Variants in GRIN2B observed in about 807,000 individuals in gnomAD.
GRIN2B encodes glutamate ionotropic receptor NMDA type subunit 2B.
In GRIN2B, 5 loss-of-function variants were observed where a neutral mutation model predicts 114.5. The observed-to-expected ratio is 0.04, with a 90% CI of 0.02 to 0.09. The LOEUF is 0.09. Among genes scored for constraint, GRIN2B ranks in the 10% least tolerant of loss-of-function variants. The pLI, the probability that GRIN2B is intolerant of heterozygous loss-of-function variation, is 1.00. For synonymous variants in GRIN2B, 787 were observed against 745.1 expected (o/e 1.06, Z -0.92); for missense variants, 1,108 against 1,943.5 (o/e 0.57, Z 8.08).
At chr12:13,807,120 C>G (rs917710613) in intron 3 of GRIN2B, among the ~76,000 whole-genome samples, 2 of 152,014 alleles carry the variant, frequency 1.3e-5, no homozygotes, top group African/African-American at 4.8e-5. Flanking sequence ...GCCATTTCGT[C>G]TTGAAATTTT....
intron 2 of GRIN2B, among the ~76,000 whole-genome samples, chr12:13,956,471 CTCTT>C (rs1347662244): frequency 6.6e-6 from 1 of 152,200 alleles, no homozygotes; most frequent in African/African-American, 2.4e-5. Context: ...AGGGCAGTAA[CTCTT>C]TCTCTCTGTC....
At chr12:13,673,944 T>C (rs973192488) in intron 5 of GRIN2B, among the ~76,000 whole-genome samples, 4 of 152,042 alleles carry the variant, frequency 2.6e-5, no homozygotes, top group South Asian at 2.1e-4. Flanking sequence ...GAACATTTCT[T>C]AAATTATGAC....
chr12:13,880,372 C>A (rs1489678895), intron 2 of GRIN2B, among the ~76,000 whole-genome samples: 2 of 152,228 alleles, frequency 1.3e-5, no homozygotes, highest in African/African-American at 4.8e-5. Context: ...GCTGAAAAGG[C>A]AAGCCAAGGA....
chr12:13,592,786 C>A (rs533970653), intron 10 of GRIN2B, among the ~76,000 whole-genome samples: 9 of 152,288 alleles, frequency 5.9e-5, no homozygotes, highest in African/African-American at 1.9e-4. Context: ...AAGCCCTGTT[C>A]TTTCGGTCTA....
chr12:13,659,367 T>C (rs1565491440), intron 5 of GRIN2B, among the ~76,000 whole-genome samples: 1 of 152,312 alleles, frequency 6.6e-6, no homozygotes, highest in East Asian at 1.9e-4. Context: ...CTCTGCTCCA[T>C]GATTGTCCAC....
chr12:13,550,638 T>A lies in GRIN2B; in HGVS notation c.*12145A>T, dbSNP rs1028070728. Reference sequence around the variant, plus strand: ...AGGACAGTTAGCAGGATAACTATGTTGCTCTACCACAAAGAAAATGCTGCC... The same window carrying A: ...AGGACAGTTAGCAGGATAACTATGTAGCTCTACCACAAAGAAAATGCTGCC... On this transcript the variant is annotated 3_prime_UTR_variant, in exon 14 of 14. Transcript: ENST00000609686. 2 of 152,200 alleles carry A rather than the reference T, an allele frequency of 1.3e-5. No individual in the cohort carries two copies. Among genetic ancestry groups the A allele is most frequent in the Non-Finnish European group, 2.9e-5 (2 of 68,026 alleles). 9.4% of individuals were successfully genotyped at this position (152,200 alleles called of 1,614,324 possible).
chr12:13,685,295 C>G (rs538748905), intron 4 of GRIN2B, among the ~76,000 whole-genome samples: 54 of 152,302 alleles, frequency 3.5e-4, no homozygotes, highest in Admixed American at 5.9e-4. Flanking sequence ...TTTGACTTCA[C>G]AATTCCCTCT....
chr12:13,930,624 C>T (rs1194490708), intron 2 of GRIN2B, among the ~76,000 whole-genome samples: 1 of 152,090 alleles, frequency 6.6e-6, no homozygotes, highest in Non-Finnish European at 1.5e-5. Context: ...ATAATTTATA[C>T]CCAGCTACTT....
At chr12:13,978,633 T>A (rs1003220853) in intron 2 of GRIN2B, among the ~76,000 whole-genome samples, 1 of 152,188 alleles carries the variant, frequency 6.6e-6, no homozygotes, top group African/African-American at 2.4e-5. Context: ...GGTAATACTT[T>A]TAGGAAAAAT....
chr12:13,709,807 C>T lies in GRIN2B; in HGVS notation c.1011-33948G>A, dbSNP rs146815147. Among the ~76,000 whole-genome samples, 578 of 152,086 alleles carry T rather than the reference C, an allele frequency of 3.8e-3. 5 individuals are homozygous for T. Among genetic ancestry groups the T allele is most frequent in the African/African-American group, 0.013 (532 of 41,528 alleles). ...ATATTACATTCCCACTGTTGACAAA[C>T]ATTCATATATTTCTGGTGAGAAAGT... On this transcript the variant is annotated intron_variant, in intron 4 of 13. Coordinates refer to ENST00000609686, the MANE Select transcript of GRIN2B (RefSeq NM_000834.5).
At chr12:13,710,592 AACAG>A (rs1267175560) in intron 4 of GRIN2B, among the ~76,000 whole-genome samples, 8 of 149,636 alleles carry the variant, frequency 5.3e-5, no homozygotes, top group Admixed American at 3.3e-4. Flanking sequence ...ATAACAGACA[AACAG>A]ACAGCCAAAT....
At chr12:13,920,332 T>A (rs948578852) in intron 2 of GRIN2B, among the ~76,000 whole-genome samples, 1 of 151,766 alleles carries the variant, frequency 6.6e-6, no homozygotes, top group Non-Finnish European at 1.5e-5. Context: ...TTTCCCCAAC[T>A]CACTTACGCT....
intron 4 of GRIN2B, among the ~76,000 whole-genome samples, chr12:13,705,042 T>C (rs764349926): frequency 5.3e-5 from 8 of 151,158 alleles, no homozygotes; most frequent in Non-Finnish European, 5.9e-5. Context: ...CATATAAGCA[T>C]ACCTGGATTT....
chr12:13,615,068 C>G lies in GRIN2B; in HGVS notation c.1654+46G>C, dbSNP rs201406984. 2 of 1,543,058 alleles carry G rather than the reference C, an allele frequency of 1.3e-6. No individual in the cohort carries two copies. The highest frequency in any genetic ancestry group is 1.8e-6 in the Non-Finnish European group (2 of 1,115,428). ...GCTCCTTTTTTCCTTATTTCACTTCCCCATCCATACGTCCATTTCCTTCCA... is the reference window on the plus strand; with the variant it reads ...GCTCCTTTTTTCCTTATTTCACTTCGCCATCCATACGTCCATTTCCTTCCA... On this transcript the variant is annotated intron_variant, in intron 8 of 13. Transcript: ENST00000609686. The surrounding 1 kb of genome is among the most constrained non-coding windows in gnomAD (Gnocchi z 5.8).
chr12:13,674,820 A>G (rs571512984), intron 5 of GRIN2B, among the ~76,000 whole-genome samples: 2 of 152,134 alleles, frequency 1.3e-5, no homozygotes, highest in Non-Finnish European at 2.9e-5. Context: ...AAAAGTAAAG[A>G]TGTTTCTTTG....
At chr12:13,808,235 A>T (rs913131679) in intron 3 of GRIN2B, among the ~76,000 whole-genome samples, 15 of 152,180 alleles carry the variant, frequency 9.9e-5, no homozygotes, top group African/African-American at 3.6e-4. Context: ...TTTGCTTCCT[A>T]GCCCATGTTC....
intron 5 of GRIN2B, among the ~76,000 whole-genome samples, chr12:13,638,120 C>T (rs1949681672): frequency 6.6e-6 from 1 of 152,170 alleles, no homozygotes; most frequent in African/African-American, 2.4e-5. Flanking sequence ...CCAAAGACAA[C>T]ATAAGAGAAA....
chr12:13,615,743 T>TA lies in GRIN2B; in HGVS notation c.1329-80dup, dbSNP rs1949430627. 4.8e-6 allele frequency: 6 copies of TA among 1,244,878 alleles called. No individual in the cohort carries two copies. Among genetic ancestry groups the TA allele is most frequent in the Non-Finnish European group, 5.9e-6 (5 of 845,154 alleles). The allele number at this position is 1,244,878 out of a possible 1,614,324, so 77.1% of individuals were successfully genotyped here. On this transcript the variant is annotated intron_variant, in intron 6 of 13. Coordinates refer to ENST00000609686, the MANE Select transcript of GRIN2B (RefSeq NM_000834.5). This position sits in a 1 kb window ranked among gnomAD's most constrained non-coding sequence, Gnocchi z 5.8. ...GCCAACATTTATTACCCTTTGCCATTAAAAAACCTCCAATCCCAAAGCAGG... is the reference window on the plus strand; with the variant it reads ...GCCAACATTTATTACCCTTTGCCATTAAAAAAACCTCCAATCCCAAAGCAGG...
intron 5 of GRIN2B, among the ~76,000 whole-genome samples, chr12:13,643,613 A>C (rs757553167): frequency 5.1e-4 from 77 of 152,192 alleles, no homozygotes; most frequent in Non-Finnish European, 8.1e-4. Flanking sequence ...TTCATGAAAG[A>C]TTTCTCTGTA....
Sources: gnomAD v4.1 joint callset for allele counts (sites outside exome capture counted in the v4.1 genomes callset) on GRCh38, gnomAD v4.1.1 for gene constraint, Gnocchi (gnomAD v3.1) non-coding constraint, MANE v1.5 for transcripts, NCBI Gene and HGNC (gene_info 2026-07-23, HGNC 2026-07-21) for gene names.